The following STK40 variants were observed in gnomAD, a reference collection of about 807,000 sequenced individuals.
The protein encoded by STK40 is serine/threonine-protein kinase 40.
STK40 carries 13 observed loss-of-function variants against 47.9 expected under a neutral mutation model. That is an observed-to-expected ratio of 0.27 (90% CI 0.18 to 0.43). The LOEUF (loss-of-function observed/expected upper bound fraction) is 0.43, where lower values mean the gene tolerates loss of function less well. Ranked by LOEUF, STK40 falls within the 20% of genes least tolerant of loss-of-function variation. The probability of loss-of-function intolerance (pLI) is 1.00; values close to 1 mark genes in which losing one functional copy is unlikely to be tolerated. For missense variants in STK40, 460 were observed against 595.1 expected, an observed-to-expected ratio of 0.77 and a Z score of 2.36; for synonymous variants, 225 against 243.2, an observed-to-expected ratio of 0.93 and a Z score of 0.69.
At chr1:36,350,845 G>GC (rs1236815782) in intron 6 of STK40, among the ~76,000 whole-genome samples, 4 of 152,206 alleles carry the variant, frequency 2.6e-5, no homozygotes, top group African/African-American at 9.6e-5. Context: ...CACAGCTGAG[G>GC]CTCTGCAGGG....
In STK40 at chr1:36,341,712, C is replaced by A. The variant is rs374821897; in HGVS notation, c.*43G>T. ...CTGACAGCCACGCCTTTGGCTGGGG[C>A]TGGAAGAAGTGGCAGCAGTGCTGGT... is the stretch of plus-strand genomic sequence containing the variant. On this transcript the variant is annotated 3_prime_UTR_variant, in exon 11 of 11. Transcript: ENST00000373132. The A allele has an allele frequency of 3.4e-5, 54 of 1,602,478 alleles. No individual in the cohort carries two copies. The highest frequency in any genetic ancestry group is 4.4e-5 in the Non-Finnish European group (52 of 1,172,904).
At chr1:36,380,438 T>C (rs1462503867) in intron 1 of STK40, among the ~76,000 whole-genome samples, 2 of 152,178 alleles carry the variant, frequency 1.3e-5, no homozygotes, top group African/African-American at 2.4e-5. Context: ...CTCCCTTCCC[T>C]GAAGGTTCTG....
chr1:36,376,500 A>G (rs888153502), intron 1 of STK40, among the ~76,000 whole-genome samples: 2 of 152,224 alleles, frequency 1.3e-5, no homozygotes, highest in Admixed American at 1.3e-4. Context: ...GTGCTCAACA[A>G]AAGTCCCTAT....
intron 6 of STK40, 89 bp downstream of exon 6, chr1:36,354,275 T>G (rs1241166630): frequency 1.8e-5 from 26 of 1,429,914 alleles, no homozygotes; most frequent in Non-Finnish European, 2.6e-5. Flanking sequence ...GGAATCCTCA[T>G]GAGGACACTT....
At chr1:36,348,584 C>G (rs952715529) in intron 7 of STK40, 116 bp downstream of exon 7, 3 of 846,584 alleles carry the variant, frequency 3.5e-6, no homozygotes, top group African/African-American at 1.7e-5. Context: ...CTGGTCTGGG[C>G]CCCCAGTGAA....
intron 4 of STK40, among the ~76,000 whole-genome samples, chr1:36,356,306 CAG>C (rs908278078): frequency 4.6e-5 from 7 of 152,126 alleles, no homozygotes; most frequent in African/African-American, 1.4e-4. Flanking sequence ...AGACAAAAAA[CAG>C]GGGGACTTCA....
chr1:36,384,031 CTTTT>C (rs35654052), intron 1 of STK40, among the ~76,000 whole-genome samples: 20 of 131,956 alleles, frequency 1.5e-4, no homozygotes, highest in African/African-American at 4.5e-4. Context: ...TCTTCTTCTT[CTTTT>C]TTTTTTTTTT....
intron 7 of STK40, among the ~76,000 whole-genome samples, chr1:36,347,542 T>C (rs1211821049): frequency 2.6e-5 from 4 of 152,212 alleles, no homozygotes; most frequent in Non-Finnish European, 5.9e-5. Context: ...AAGATAGATA[T>C]TGGCCTCACA....
chr1:36,378,300 T>C (rs1031409182), intron 1 of STK40, among the ~76,000 whole-genome samples: 3 of 151,930 alleles, frequency 2.0e-5, no homozygotes, highest in African/African-American at 4.8e-5. Context: ...CAAATGTGAG[T>C]TGGAAATCCC....
intron 1 of STK40, among the ~76,000 whole-genome samples, chr1:36,383,522 C>A (rs893804862): frequency 2.0e-5 from 3 of 152,254 alleles, no homozygotes; most frequent in Non-Finnish European, 4.4e-5. Context: ...AGCACCAACT[C>A]TCCTCTCTCA....
intron 1 of STK40, among the ~76,000 whole-genome samples, chr1:36,381,475 C>G (rs768625234): frequency 6.6e-6 from 1 of 152,078 alleles, no homozygotes; most frequent in East Asian, 1.9e-4. Context: ...TCATTCTTCA[C>G]GATCCAATTC....
intron 2 of STK40, among the ~76,000 whole-genome samples, chr1:36,359,423 C>G (rs1259375588): frequency 6.6e-6 from 1 of 152,080 alleles, no homozygotes; most frequent in Non-Finnish European, 1.5e-5. Context: ...TCAACAAAAC[C>G]CAAGAGATCC....
intron 3 of STK40, 122 bp from the exon 4 acceptor site, chr1:36,358,504 A>G (rs1646824697): frequency 1.5e-6 from 2 of 1,361,378 alleles, no homozygotes; most frequent in Non-Finnish European, 2.0e-6. Context: ...TGCACACACA[A>G]ACACACCAAG....
intron 10 of STK40, chr1:36,343,029 G>A (rs1264135346): frequency 3.3e-6 from 2 of 601,292 alleles, no homozygotes; most frequent in African/African-American, 1.9e-5. Flanking sequence ...AGCAGGAAGG[G>A]TGAGAGAGAA....
In STK40 at chr1:36,348,830, CAG is replaced by C. The variant is rs1161703859; in HGVS notation, c.624-17_624-16del. The C allele has an allele frequency of 1.9e-6, 3 of 1,585,166 alleles. No individual in the cohort carries two copies. Among genetic ancestry groups the C allele is most frequent in the Non-Finnish European group, 2.6e-6 (3 of 1,164,128 alleles). On this transcript the variant is annotated splice_polypyrimidine_tract_variant and intron_variant, in intron 6 of 10. Coordinates refer to ENST00000373132, the MANE Select transcript of STK40 (RefSeq NM_001282547.2). Reference sequence around the variant, plus strand: ...TCCGATGTGTCCTAGGAGTGGGAGACAGAGTGAACAAACCTCAGTGTCTATAG... The same window carrying C: ...TCCGATGTGTCCTAGGAGTGGGAGACAGTGAACAAACCTCAGTGTCTATAG...
chr1:36,366,836 C>T (rs1462150126), intron 1 of STK40, among the ~76,000 whole-genome samples: 7 of 139,086 alleles, frequency 5.0e-5, no homozygotes, highest in African/African-American at 1.3e-4. Context: ...TCTTCTTCTT[C>T]TTTTTTTTTT....
chr1:36,354,278 G>A (rs1646783241), intron 6 of STK40, 86 bp downstream of exon 6: 2 of 1,444,338 alleles, frequency 1.4e-6, no homozygotes, highest in Non-Finnish European at 1.9e-6. Flanking sequence ...ATCCTCATGA[G>A]GACACTTCAG....
chr1:36,351,669 C>T (rs970256118), intron 6 of STK40, among the ~76,000 whole-genome samples: 3 of 152,184 alleles, frequency 2.0e-5, no homozygotes, highest in African/African-American at 4.8e-5. Flanking sequence ...CACGCACTCA[C>T]ACTCACAGCA....
chr1:36,358,597 C>T, intron 3 of STK40, 140 bp downstream of exon 3: 1 of 1,117,352 alleles, frequency 8.9e-7, no homozygotes, highest in Non-Finnish European at 1.3e-6. Context: ...CTGAGGGAGA[C>T]TGTGAACTTG....
Sources: allele counts gnomAD v4.1 joint callset (sites outside exome capture counted in the v4.1 genomes callset), GRCh38; gene constraint gnomAD v4.1.1; transcripts MANE v1.5; gene names NCBI Gene and HGNC (gene_info 2026-07-23, HGNC 2026-07-21).